CSMD1: variants seen among roughly 807,000 people sequenced by gnomAD.
CSMD1 encodes the protein CUB and sushi domain-containing protein 1.
In CSMD1, 213 loss-of-function variants were observed where a neutral mutation model predicts 417.5. The observed-to-expected ratio is 0.51, with a 90% CI of 0.46 to 0.57. The LOEUF (loss-of-function observed/expected upper bound fraction) is 0.57, where lower values mean the gene tolerates loss of function less well. CSMD1 is among the 20% of genes least tolerant of loss of function. The pLI is 0.00. For missense variants in CSMD1, 6,923 were observed against 4,529.7 expected, an observed-to-expected ratio of 1.53 and a Z score of -15.17; for synonymous variants, 2,862 against 1,736.8, an observed-to-expected ratio of 1.65 and a Z score of -16.11.
rs1811638172 is a variant in CSMD1, at chr8:4,994,278, A to G, written c.85+54T>C. On this transcript the variant is annotated intron_variant, in intron 1 of 69. Transcript: ENST00000635120. ...CCAAAACGCACACTCGCGTCCGCAC[A>G]CGGGGCCTCCGAGGGCTCTACCGCC... 3.3e-5 allele frequency: 50 copies of G among 1,535,510 alleles called. No homozygotes were observed. The South Asian group carries it at 5.5e-4, about 17-fold the overall frequency.
At chr8:4,610,125 T>C (rs1292786336) in intron 2 of CSMD1, among the ~76,000 whole-genome samples, 1 of 151,692 alleles carries the variant, frequency 6.6e-6, no homozygotes, top group African/African-American at 2.4e-5. Flanking sequence ...AAGGGTGTCA[T>C]TTAAAGACTA....
chr8:4,865,698 A>C (rs774084085), intron 1 of CSMD1, among the ~76,000 whole-genome samples: 1 of 151,910 alleles, frequency 6.6e-6, no homozygotes, highest in Non-Finnish European at 1.5e-5. Context: ...TCCATCAATC[A>C]GATTTGTTCT....
At chr8:4,919,348 C>T (rs1484188355) in intron 1 of CSMD1, among the ~76,000 whole-genome samples, 1 of 152,078 alleles carries the variant, frequency 6.6e-6, no homozygotes, top group Non-Finnish European at 1.5e-5. Flanking sequence ...TGAAACTTTG[C>T]TGGTACTTAA....
At chr8:4,193,876 G>A (rs1420951892) in intron 3 of CSMD1, among the ~76,000 whole-genome samples, 1 of 151,934 alleles carries the variant, frequency 6.6e-6, no homozygotes, top group African/African-American at 2.4e-5. Flanking sequence ...AGAAGCCTCA[G>A]CAGAACTGGC....
chr8:4,838,509 T>A (rs1348477046), intron 1 of CSMD1, among the ~76,000 whole-genome samples: 1 of 152,206 alleles, frequency 6.6e-6, no homozygotes, highest in Non-Finnish European at 1.5e-5. Flanking sequence ...CTCATAACTT[T>A]CCCTTGATGG....
chr8:3,963,708 C>G (rs1473381400), intron 5 of CSMD1, among the ~76,000 whole-genome samples: 3 of 152,108 alleles, frequency 2.0e-5, no homozygotes, highest in African/African-American at 7.2e-5. Flanking sequence ...TCATCGTAGA[C>G]AAACTGCAAT....
intron 68 of CSMD1, among the ~76,000 whole-genome samples, chr8:2,945,132 T>C (rs756844517): frequency 1.3e-5 from 2 of 152,182 alleles, no homozygotes; most frequent in Non-Finnish European, 2.9e-5. Context: ...TGAAAACAAA[T>C]AATATAAAGG....
chr8:3,978,968 C>G (rs768679528), intron 5 of CSMD1, among the ~76,000 whole-genome samples: 4 of 152,194 alleles, frequency 2.6e-5, no homozygotes, highest in African/African-American at 7.2e-5. Context: ...TTTACACTGC[C>G]TCCTAGAAGC....
At chr8:4,785,567 T>C (rs749047895) in intron 1 of CSMD1, among the ~76,000 whole-genome samples, 66 of 152,200 alleles carry the variant, frequency 4.3e-4, no homozygotes, top group Non-Finnish European at 7.5e-4. Context: ...TCCATCTCCA[T>C]AGTCCTGAGC....
chr8:3,411,848 ACGTATATATG>A (rs2116925896), intron 12 of CSMD1, among the ~76,000 whole-genome samples: 1 of 87,952 alleles, frequency 1.1e-5, no homozygotes, highest in East Asian at 5.7e-4. Flanking sequence ...GTATATATGC[ACGTATATATG>A]CACGTATATA....
chr8:3,116,785 T>C (rs1336576358), intron 42 of CSMD1, among the ~76,000 whole-genome samples: 1 of 152,116 alleles, frequency 6.6e-6, no homozygotes. Flanking sequence ...GAGTCTACCA[T>C]TTACATATGA....
chr8:4,080,928 G>T (rs937316188), intron 3 of CSMD1, among the ~76,000 whole-genome samples: 1 of 152,152 alleles, frequency 6.6e-6, no homozygotes, highest in Admixed American at 6.5e-5. Flanking sequence ...TTTGTGAGGT[G>T]ATTAGGCTCT....
intron 12 of CSMD1, among the ~76,000 whole-genome samples, chr8:3,460,952 G>A (rs985938601): frequency 6.6e-6 from 1 of 152,160 alleles, no homozygotes; most frequent in Non-Finnish European, 1.5e-5. Flanking sequence ...TTCAAGGGAT[G>A]TGGAGGGCAG....
At chr8:4,901,667 T>C (rs550143664) in intron 1 of CSMD1, among the ~76,000 whole-genome samples, 3 of 152,330 alleles carry the variant, frequency 2.0e-5, no homozygotes, top group Admixed American at 1.3e-4. Context: ...TCTTTGTAGC[T>C]TTAAAAAATC....
In CSMD1 at chr8:3,984,704, CATATATATATAT is replaced by C. The variant is rs59669026; in HGVS notation, c.818+13187_818+13198del. Reference sequence around the variant, plus strand: ...TGGGTTCAGGATTCAGTGTATATATCATATATATATATATATATATATATATATATATATATA... The same window carrying C: ...TGGGTTCAGGATTCAGTGTATATATCATATATATATATATATATATATATA... On this transcript the variant is annotated intron_variant, in intron 5 of 69. Transcript: ENST00000635120. Among the ~76,000 whole-genome samples, 723 of 82,808 alleles carry C rather than the reference CATATATATATAT, an allele frequency of 8.7e-3. 6 individuals carry two copies. The highest frequency in any genetic ancestry group is 0.013 in the African/African-American group (289 of 22,442). 54.3% of individuals were successfully genotyped at this position (82,808 alleles called of 152,430 possible). A position where few individuals can be genotyped will look rare whatever the true frequency, so the allele number is the denominator to read the frequency against.
intron 5 of CSMD1, among the ~76,000 whole-genome samples, chr8:3,877,224 G>A (rs77151176): frequency 0.013 from 1,952 of 152,184 alleles, 41 homozygotes; most frequent in African/African-American, 0.045. Flanking sequence ...ACCCCACACT[G>A]CTTGCTTTGA....
chr8:4,291,239 G>A (rs949014400), intron 3 of CSMD1, among the ~76,000 whole-genome samples: 1 of 151,882 alleles, frequency 6.6e-6, no homozygotes, highest in Non-Finnish European at 1.5e-5. Context: ...TATGATATGT[G>A]CAAATATTAA....
intron 24 of CSMD1, 145 bp from the exon 25 acceptor site, chr8:3,307,966 C>G (rs1371028078): frequency 3.2e-6 from 3 of 929,944 alleles, no homozygotes; most frequent in Non-Finnish European, 4.7e-6. Flanking sequence ...CTGACCGTTT[C>G]AATATTTCTT....
chr8:4,016,746 G>T (rs1021386709), intron 4 of CSMD1, among the ~76,000 whole-genome samples: 2 of 152,134 alleles, frequency 1.3e-5, no homozygotes, highest in Non-Finnish European at 1.5e-5. Flanking sequence ...CACCCTCTTG[G>T]GTTAAGGGCT....
Sources: allele counts gnomAD v4.1 joint callset (sites outside exome capture counted in the v4.1 genomes callset), GRCh38; gene constraint gnomAD v4.1.1; transcripts MANE v1.5; gene names NCBI Gene and HGNC (gene_info 2026-07-23, HGNC 2026-07-21).